PLAAT3: variants seen among roughly 807,000 people sequenced by gnomAD.
The protein encoded by PLAAT3 is phospholipase A and acyltransferase 3.
PLAAT3 carries 21 observed loss-of-function variants against 16.7 expected under a neutral mutation model. That is an observed-to-expected ratio of 1.26 (90% CI 0.89 to 1.81). The LOEUF (loss-of-function observed/expected upper bound fraction) is 1.81, where lower values mean the gene tolerates loss of function less well. Among genes scored for constraint, PLAAT3 ranks in the 40% most tolerant of loss-of-function variants. The probability of loss-of-function intolerance (pLI) is 0.00; values close to 1 mark genes in which losing one functional copy is unlikely to be tolerated. For synonymous variants in PLAAT3, 76 were observed against 81.7 expected (o/e 0.93, Z 0.38); for missense variants, 219 against 213.7 (o/e 1.02, Z -0.16).
intron 4 of PLAAT3, among the ~76,000 whole-genome samples, chr11:63,580,111 C>T (rs1222883480): frequency 1.3e-5 from 2 of 152,054 alleles, no homozygotes; most frequent in African/African-American, 2.4e-5. Context: ...AAGTAGAAGA[C>T]ATGAGATAGA....
At chr11:63,615,172 G>GTATATATGTGTGTGTA (rs1407082578), upstream of PLAAT3, among the ~76,000 whole-genome samples, 18 of 18,304 alleles carry the variant, frequency 9.8e-4, 3 homozygotes, top group East Asian at 0.018. Context: ...ATATATGTGT[G>GTATATATGTGTGTGTA]TATATGTGTG....
At chr11:63,615,384 ATATGTGTATATATGTGTGTATATGTG>A (rs1371781259), upstream of PLAAT3, among the ~76,000 whole-genome samples, 3 of 55,916 alleles carry the variant, frequency 5.4e-5, 1 homozygote, top group Admixed American at 2.8e-4. Flanking sequence ...GTGTGTATAT[ATATGTGTATATATGTGTGTATATGTG>A]TGTGTGTGTG....
rs553499397 is a variant in PLAAT3, at chr11:63,593,680, G to A, written c.119-3312C>T. On this transcript the variant is annotated intron_variant, in intron 3 of 4. Transcript: ENST00000415826. ...GCCTCCTGCTCGTGCCTCAGCCTCC[G>A]CCTCCTGCTCGTGCCTCAGCCTCCA... is the stretch of plus-strand genomic sequence containing the variant. 1.4e-3 allele frequency among the ~76,000 whole-genome samples: 184 copies of A among 132,312 alleles called. 1 individual carries two copies. The highest frequency in any genetic ancestry group is 6.8e-3 in the Admixed American group (81 of 11,982). The allele number at this position is 132,312 out of a possible 152,430, so 86.8% of individuals were successfully genotyped here.
intron 2 of PLAAT3, among the ~76,000 whole-genome samples, chr11:63,610,695 G>T (rs59269807): frequency 6.6e-6 from 1 of 152,112 alleles, no homozygotes; most frequent in Non-Finnish European, 1.5e-5. Context: ...AGTCAATGAC[G>T]GAGTCTAGAC....
intron 3 of PLAAT3, among the ~76,000 whole-genome samples, chr11:63,592,516 T>G (rs1466375961): frequency 6.6e-6 from 1 of 151,952 alleles, no homozygotes; most frequent in African/African-American, 2.4e-5. Flanking sequence ...CTGAAGAAAA[T>G]ATGAAGTGAA....
upstream of PLAAT3, among the ~76,000 whole-genome samples, chr11:63,615,190 A>ATATG (rs1565259850): frequency 5.4e-5 from 2 of 37,144 alleles, no homozygotes; most frequent in Admixed American, 4.3e-4. Flanking sequence ...GTGTATATAT[A>ATATG]TGTGTGTATA....
intron 3 of PLAAT3, among the ~76,000 whole-genome samples, chr11:63,597,465 G>A (rs998621808): frequency 2.0e-5 from 3 of 152,156 alleles, no homozygotes; most frequent in African/African-American, 7.2e-5. Context: ...GGCGGAGCTT[G>A]CAGTAAGCCG....
rs1300324468 is a variant in PLAAT3 at position 63,603,755 on chromosome 11, GAC to G, written c.16-5594_16-5593del. On this transcript the variant is annotated intron_variant, in intron 2 of 4. Coordinates refer to ENST00000415826, the MANE Select transcript of PLAAT3 (RefSeq NM_001128203.2). ...ACACACACACACACACACACACACA[GAC>G]AGAGATATTAGAGAGAGTAAGGTGA... Among the ~76,000 whole-genome samples, 159 of 39,808 alleles carry G rather than the reference GAC, an allele frequency of 4.0e-3. 2 individuals carry two copies. The East Asian group carries it at 0.045, about 11-fold the overall frequency. The allele number at this position is 39,808 out of a possible 152,430, so 26.1% of individuals were successfully genotyped here.
intron 4 of PLAAT3, among the ~76,000 whole-genome samples, chr11:63,586,291 A>G (rs530221042): frequency 2.2e-3 from 341 of 152,022 alleles, no homozygotes; most frequent in African/African-American, 7.6e-3. Context: ...CCGCCATCAC[A>G]CCCAGCTAAT....
At chr11:63,598,218 C>T in intron 2 of PLAAT3, 55 bp from the exon 3 acceptor site, 1 of 1,245,634 alleles carries the variant, frequency 8.0e-7, no homozygotes, top group South Asian at 1.2e-5. Context: ...GGAACCAGGA[C>T]AGGGCTCAGT....
chr11:63,597,751 C>T lies in PLAAT3; in HGVS notation c.118+310G>A, dbSNP rs1938326653. Among the ~76,000 whole-genome samples the T allele has an allele frequency of 2.0e-5, 3 of 152,270 alleles. 1 individual carries two copies. The South Asian group carries it at 6.2e-4, about 32-fold the overall frequency. Reference sequence around the variant, plus strand: ...AAGCGATGGGGAGCAGCTGCAAATACAGATGAAGTTTCGCTCACTTGCCCA... The same window carrying T: ...AAGCGATGGGGAGCAGCTGCAAATATAGATGAAGTTTCGCTCACTTGCCCA... On this transcript the variant is annotated intron_variant, in intron 3 of 4. Coordinates refer to ENST00000415826, the MANE Select transcript of PLAAT3 (RefSeq NM_001128203.2).
chr11:63,606,651 G>A (rs370492084), intron 2 of PLAAT3, among the ~76,000 whole-genome samples: 133 of 152,288 alleles, frequency 8.7e-4, no homozygotes, highest in African/African-American at 2.7e-3. Flanking sequence ...CCTGGAGGCC[G>A]GAGATGAGCC....
chr11:63,589,568 CT>C lies in PLAAT3; in HGVS notation c.387+531del, dbSNP rs531010706. On this transcript the variant is annotated intron_variant, in intron 4 of 4. Transcript: ENST00000415826. ...TCCCCTAGGGTCTCCCAGATTCACC[CT>C]TAGGGTTCAGCCAGGCTGAAGACAG... Among the ~76,000 whole-genome samples, 776 of 152,178 alleles carry C rather than the reference CT, an allele frequency of 5.1e-3. 6 individuals are homozygous for C. Among genetic ancestry groups the C allele is most frequent in the Middle Eastern group, 0.014 (4 of 294 alleles).
In PLAAT3 at chr11:63,595,290, C is replaced by CA. The variant is rs1490621940; in HGVS notation, c.118+2770_118+2771insT. Among the ~76,000 whole-genome samples, 396 of 75,722 alleles carry CA rather than the reference C, an allele frequency of 5.2e-3. 15 individuals are homozygous for CA. Among genetic ancestry groups the CA allele is most frequent in the East Asian group, 6.7e-3 (15 of 2,248 alleles). 49.7% of individuals were successfully genotyped at this position (75,722 alleles called of 152,430 possible). ...TGGGCCACAGAGCAAGACTCCGTCT[C>CA]GGAAAAAAAAAAAAAAAAAAAAGAG... On this transcript the variant is annotated intron_variant, in intron 3 of 4. Transcript: ENST00000415826.
At chr11:63,596,293 G>T (rs939011048) in intron 3 of PLAAT3, among the ~76,000 whole-genome samples, 52 of 146,158 alleles carry the variant, frequency 3.6e-4, no homozygotes, top group Non-Finnish European at 5.1e-4. Flanking sequence ...ACAAAGTCAC[G>T]GCATAAAAAA....
rs553627510 is a variant in PLAAT3, at chr11:63,594,568, G to A, written c.118+3493C>T. Among the ~76,000 whole-genome samples the A allele has an allele frequency of 7.3e-5, 11 of 151,616 alleles. No individual in the cohort carries two copies. In the South Asian group the frequency reaches 2.1e-3, roughly 29 times the overall value. On this transcript the variant is annotated intron_variant, in intron 3 of 4. Transcript: ENST00000415826. ...TACCCTTGAGAACTGCTCTGTCAGG[G>A]GGGCAAAAAAAGAGAGTCTGAGAGC...
intron 2 of PLAAT3, among the ~76,000 whole-genome samples, chr11:63,611,124 T>A (rs1938681806): frequency 1.3e-5 from 2 of 152,124 alleles, no homozygotes; most frequent in African/African-American, 4.8e-5. Flanking sequence ...GTTTTGTTTT[T>A]TTCTGCAGGC....
In PLAAT3 at chr11:63,574,945, T is replaced by G; in HGVS notation, c.489A>C (p.Ter163TyrextTer20). The G allele has an allele frequency of 6.3e-7, 1 of 1,585,292 alleles. No homozygotes were observed. Among genetic ancestry groups the G allele is most frequent in the Non-Finnish European group, 8.7e-7 (1 of 1,153,518 alleles). The change falls in exon 5 of 5, where the codon TAA becomes TAC. Residue 163 changes from the stop codon to tyrosine, a stop_lost. Coordinates refer to ENST00000415826, the MANE Select transcript of PLAAT3 (RefSeq NM_001128203.2). ...MFSRNKRQKQ* is the reference protein window; with the variant it reads ...MFSRNKRQKQY ...TCGCTGACAGGACAGTCTTTTTCAG[T>G]TATTGCTTTTGTCGCTTGTTTCTTG...
chr11:63,582,409 C>T (rs1937844046), intron 4 of PLAAT3, among the ~76,000 whole-genome samples: 1 of 152,062 alleles, frequency 6.6e-6, no homozygotes, highest in Non-Finnish European at 1.5e-5. Flanking sequence ...CGTGTCCAAG[C>T]AAAATAAACA....
Sources: allele counts gnomAD v4.1 joint callset (sites outside exome capture counted in the v4.1 genomes callset), GRCh38; gene constraint gnomAD v4.1.1; transcripts MANE v1.5; gene names NCBI Gene and HGNC (gene_info 2026-07-23, HGNC 2026-07-21).